The following TPCN1 variants were observed in gnomAD, a reference collection of about 807,000 sequenced individuals.
The protein encoded by TPCN1 is two pore segment channel 1, also known as two pore channel protein 1.
Under a neutral mutation model 108.8 loss-of-function variants are expected in TPCN1, and 52 were observed. The observed-to-expected ratio is 0.48, with a 90% confidence interval of 0.38 to 0.60. The LOEUF (loss-of-function observed/expected upper bound fraction) is 0.60. TPCN1 is among the 20% of genes least tolerant of loss of function. The pLI is 0.00. For synonymous variants in TPCN1, 446 were observed against 433.7 expected, an observed-to-expected ratio of 1.03 and a Z score of -0.35; for missense variants, 806 against 1,072.8, an observed-to-expected ratio of 0.75 and a Z score of 3.47.
chr12:113,295,965 G>A lies in TPCN1; in HGVS notation c.2340G>A (p.Trp780Ter), dbSNP rs781639451. 3.1e-6 allele frequency: 5 copies of A among 1,602,432 alleles called. No individual in the cohort carries two copies. The highest frequency in any genetic ancestry group is 4.3e-6 in the Non-Finnish European group (5 of 1,175,366). Residue 780 changes from tryptophan (W) to a stop codon, truncating the protein, a stop_gained, in exon 28 of 28, where the codon TGG becomes TGA. Coordinates refer to ENST00000335509, the MANE Select transcript of TPCN1 (RefSeq NM_017901.6). LOFTEE classifies it low-confidence loss of function (END_TRUNC). ...CCTTCTGCTCTCTTCTCCAGGAGTG[G>A]TATGAGGAGCATGCCAGGGAGCAAG... ...LKMYQEEIQE[W>*]YEEHAREQEQ...
chr12:113,233,819 G>A (rs1045104908), intron 2 of TPCN1, among the ~76,000 whole-genome samples: 6 of 152,286 alleles, frequency 3.9e-5, no homozygotes, highest in Middle Eastern at 3.4e-3. Context: ...AAGAGGAAAC[G>A]GAGGCTCTCA....
chr12:113,291,915 C>T lies in TPCN1; in HGVS notation c.2070C>T (p.Phe690=), dbSNP rs376168353. 9.3e-5 allele frequency: 150 copies of T among 1,608,960 alleles called. No individual in the cohort carries two copies. The highest frequency in any genetic ancestry group is 1.2e-4 in the Non-Finnish European group (144 of 1,177,158). The change falls in exon 25 of 28, where the codon TTC becomes TTT. Residue 690 remains phenylalanine (F), a synonymous_variant. Coordinates refer to ENST00000335509, the MANE Select transcript of TPCN1 (RefSeq NM_017901.6). ...TTGTCGCCTTTATCCTCGAGGCCTTCGTCTTCCGAATGAACTACAGCCGCA... is the reference window on the plus strand; with the variant it reads ...TTGTCGCCTTTATCCTCGAGGCCTTTGTCTTCCGAATGAACTACAGCCGCA... The part of the protein sequence containing the change: ...TIIVAFILEA[F]VFRMNYSRKN...
At chr12:113,237,968 G>A (rs943425393) in intron 2 of TPCN1, among the ~76,000 whole-genome samples, 1 of 152,168 alleles carries the variant, frequency 6.6e-6, no homozygotes, top group African/African-American at 2.4e-5. Context: ...AAAAAGTGTG[G>A]CTTCTGTTTC....
At position 113,223,924 on chromosome 12, in the gene TPCN1, T is replaced by G. The variant is rs564868904; in HGVS notation, c.-126+2298T>G. 3.8e-3 allele frequency among the ~76,000 whole-genome samples: 582 copies of G among 152,292 alleles called. 7 individuals carry two copies. The highest frequency in any genetic ancestry group is 0.013 in the African/African-American group (554 of 41,562). On this transcript the variant is annotated intron_variant, in intron 1 of 27. Coordinates refer to ENST00000335509, the MANE Select transcript of TPCN1 (RefSeq NM_017901.6). ...ATACTCACCAGTTAAAAAAAAATAC[T>G]CTTTTCCCCTTCCTCGGACACCTAA... is the stretch of plus-strand genomic sequence containing the variant.
At position 113,241,372 on chromosome 12, in the gene TPCN1, G is replaced by GCAGCAT. The variant is rs1404580910; in HGVS notation, c.112+14408_112+14409insCAGCAT. 2.0e-5 allele frequency among the ~76,000 whole-genome samples: 3 copies of GCAGCAT among 152,018 alleles called. No homozygotes were observed. In the East Asian group the frequency reaches 5.9e-4, roughly 30 times the overall value. On this transcript the variant is annotated intron_variant, in intron 2 of 27. Coordinates refer to ENST00000335509, the MANE Select transcript of TPCN1 (RefSeq NM_017901.6). ...GCCACCTGCAGCAGCAGCAGCAGCA[G>GCAGCAT]ATCCAGGTGCTGGGGCGTGGCCAGT...
rs1955379826 is a variant in TPCN1 at position 113,268,783 on chromosome 12, G to C, written c.570G>C (p.Val190=). 2 of 1,613,980 alleles carry C rather than the reference G, an allele frequency of 1.2e-6. No homozygotes were observed. The highest frequency in any genetic ancestry group is 2.7e-5 in the African/African-American group (2 of 74,944). ...TGCAGTTTGTCGAGGCCATCGTGGT[G>C]TTGGTACGGCAGATGTCCCATGTGC... ...LVVQFVEAIV[V]LVRQMSHVRV... is the part of the protein sequence containing the mutation. The change falls in exon 6 of 28, where the codon GTG becomes GTC. Residue 190 remains valine (V), a synonymous_variant. Coordinates refer to ENST00000335509, the MANE Select transcript of TPCN1 (RefSeq NM_017901.6). The surrounding 1 kb of genome is among the most constrained non-coding windows in gnomAD (Gnocchi z 7.3).
chr12:113,280,043 G>A (rs984231852), intron 14 of TPCN1, 108 bp from the exon 15 acceptor site: 19 of 794,658 alleles, frequency 2.4e-5, no homozygotes, highest in Non-Finnish European at 4.0e-5. Context: ...TGCACGAAGA[G>A]TGTGGTAGGT....
chr12:113,247,444 C>T (rs1954441549), intron 2 of TPCN1, among the ~76,000 whole-genome samples: 1 of 152,246 alleles, frequency 6.6e-6, no homozygotes, highest in African/African-American at 2.4e-5. Flanking sequence ...AGCTGCCGAG[C>T]CTTCGAGCAT....
chr12:113,241,761 CGTGTGTGTGTGT>C (rs67580212), intron 2 of TPCN1, among the ~76,000 whole-genome samples: 4 of 144,476 alleles, frequency 2.8e-5, no homozygotes, highest in East Asian at 2.0e-4. Flanking sequence ...CGTGCCTCTG[CGTGTGTGTGTGT>C]GTGTGTGTGT....
At chr12:113,283,893 C>T (rs536152212) in intron 15 of TPCN1, among the ~76,000 whole-genome samples, 218 of 152,292 alleles carry the variant, frequency 1.4e-3, no homozygotes, top group African/African-American at 4.7e-3. Flanking sequence ...AGGCTGGTTT[C>T]GAGCCCCTGG....
In TPCN1 at chr12:113,260,372, C is replaced by T. The variant is rs539680511; in HGVS notation, c.117C>T (p.Gly39=). 1.9e-5 allele frequency: 28 copies of T among 1,494,656 alleles called. No homozygotes were observed. The highest frequency in any genetic ancestry group is 8.2e-5 in the Admixed American group (3 of 36,678). 92.6% of individuals were successfully genotyped at this position (1,494,656 alleles called of 1,614,324 possible). The change falls in exon 3 of 28, where the codon GGC becomes GGT. Residue 39 remains glycine, a synonymous_variant. Coordinates refer to ENST00000335509, the MANE Select transcript of TPCN1 (RefSeq NM_017901.6). ...LGQEELPSKN[G]GSYAIHDSQA... ...CTCTCTCCTCTTCCAATGCAGATGG[C>T]GGCAGCTATGCCATCCACGACTCCC...
intron 1 of TPCN1, among the ~76,000 whole-genome samples, chr12:113,222,079 G>A (rs1350062530): frequency 6.6e-6 from 1 of 152,184 alleles, no homozygotes; most frequent in Non-Finnish European, 1.5e-5. Context: ...CAGAAGCAAA[G>A]CCCGCGGAGG....
rs778391384 is a variant in TPCN1 at position 113,273,664 on chromosome 12, A to G, written c.938A>G (p.Asn313Ser). The G allele has an allele frequency of 1.2e-6, 2 of 1,613,624 alleles. No homozygotes were observed. The highest frequency in any genetic ancestry group is 1.7e-6 in the Non-Finnish European group (2 of 1,179,590). Residue 313 changes from asparagine to serine, a missense_variant, in exon 10 of 28, where the codon AAC becomes AGC. Transcript: ENST00000335509. This position sits in a 1 kb window ranked among gnomAD's most constrained non-coding sequence, Gnocchi z 4.0. ...YLSIELYFIMNLLLAVVFDTF... is the reference protein window; with the variant it reads ...YLSIELYFIMSLLLAVVFDTF... The stretch of plus-strand genomic sequence containing the variant: ...TCCATCGAGCTGTATTTCATCATGA[A>G]CCTGGTGAGTGACTATGCCTCAGGC...
At chr12:113,263,956 A>G (rs1309022165) in intron 3 of TPCN1, among the ~76,000 whole-genome samples, 1 of 152,104 alleles carries the variant, frequency 6.6e-6, no homozygotes, top group African/African-American at 2.4e-5. Flanking sequence ...CATTACCCCC[A>G]TCTCTTCTGG....
At position 113,289,734 on chromosome 12, in the gene TPCN1, AG is replaced by A. The variant is rs756522757; in HGVS notation, c.1797-393del. Among the ~76,000 whole-genome samples the A allele has an allele frequency of 2.6e-4, 39 of 152,394 alleles. No homozygotes were observed. The highest frequency in any genetic ancestry group is 5.9e-4 in the Admixed American group (9 of 15,310). ...TCAGGCCAAGTATTGGGGAAGCCCC[AG>A]TAGGGAATTCCTTCCCTGGGACTGT... On this transcript the variant is annotated intron_variant, in intron 21 of 27. Transcript: ENST00000335509. The surrounding 1 kb of genome is among the most constrained non-coding windows in gnomAD (Gnocchi z 4.1).
intron 2 of TPCN1, among the ~76,000 whole-genome samples, chr12:113,255,013 T>C (rs1161861904): frequency 6.6e-6 from 1 of 152,250 alleles, no homozygotes; most frequent in Non-Finnish European, 1.5e-5. Context: ...CTTCTCATCA[T>C]TTTTATTCAG....
At chr12:113,233,336 C>G (rs61943585) in intron 2 of TPCN1, among the ~76,000 whole-genome samples, 8,829 of 152,312 alleles carry the variant, frequency 0.058, 359 homozygotes, top group Middle Eastern at 0.071. Context: ...GAGAGCGCTT[C>G]ATGAGCCAGA....
In TPCN1 at chr12:113,288,827, C is replaced by T. The variant is rs139854955; in HGVS notation, c.1776C>T (p.Ile592=). The T allele has an allele frequency of 5.1e-5, 82 of 1,613,526 alleles. No individual in the cohort carries two copies. The highest frequency in any genetic ancestry group is 6.6e-5 in the South Asian group (6 of 91,088). Residue 592 remains isoleucine (I), a synonymous_variant, in exon 21 of 28, where the codon ATC becomes ATT. Transcript: ENST00000335509. This position sits in a 1 kb window ranked among gnomAD's most constrained non-coding sequence, Gnocchi z 4.8. The part of the protein sequence containing the change: ...AIVGMEFFCG[I]VFPNCCNTST... ...TGGGCATGGAGTTCTTCTGCGGGATCGTCTTCCCCAACTGCTGCAAGTGAG... is the reference window on the plus strand; with the variant it reads ...TGGGCATGGAGTTCTTCTGCGGGATTGTCTTCCCCAACTGCTGCAAGTGAG...
intron 2 of TPCN1, chr12:113,244,277 C>CT: frequency 2.0e-6 from 2 of 984,368 alleles, no homozygotes; most frequent in Non-Finnish European, 2.4e-6. Flanking sequence ...CCTCCTTTGG[C>CT]TTAAGCCTTT....
Sources: gnomAD v4.1 joint callset for allele counts (sites outside exome capture counted in the v4.1 genomes callset) on GRCh38, gnomAD v4.1.1 for gene constraint, Gnocchi (gnomAD v3.1) non-coding constraint, MANE v1.5 for transcripts, NCBI Gene and HGNC (gene_info 2026-07-23, HGNC 2026-07-21) for gene names.